BBS9: variants seen among roughly 807,000 people sequenced by gnomAD.
BBS9 encodes the protein Bardet-Biedl syndrome 9, also known as protein PTHB1.
BBS9 carries 89 observed loss-of-function variants against 117.7 expected under a neutral mutation model. The ratio of observed to expected loss-of-function variants is 0.76; its 90% confidence interval spans 0.64 to 0.90. The LOEUF (loss-of-function observed/expected upper bound fraction) is 0.90, where lower values mean the gene tolerates loss of function less well. Ranked by LOEUF, BBS9 falls within the 40% of genes least tolerant of loss-of-function variation. BBS9 has a pLI of 0.00. For missense variants in BBS9, 982 were observed against 1,042.2 expected, an observed-to-expected ratio of 0.94 and a Z score of 0.80; for synonymous variants, 379 against 370.9, an observed-to-expected ratio of 1.02 and a Z score of -0.25.
intron 13 of BBS9, among the ~76,000 whole-genome samples, chr7:33,350,960 T>C (rs1010337613): frequency 2.0e-5 from 3 of 152,140 alleles, no homozygotes; most frequent in Non-Finnish European, 4.4e-5. Context: ...TCCCAAAGTG[T>C]TGGGATTACA....
At chr7:33,555,373 A>C (rs892245266) in intron 21 of BBS9, among the ~76,000 whole-genome samples, 2 of 152,166 alleles carry the variant, frequency 1.3e-5, no homozygotes, top group Admixed American at 1.3e-4. Flanking sequence ...TGTCACAGGC[A>C]ATGGAAAAAT....
intron 11 of BBS9, among the ~76,000 whole-genome samples, chr7:33,343,512 T>C (rs1027247113): frequency 6.6e-6 from 1 of 151,912 alleles, no homozygotes; most frequent in African/African-American, 2.4e-5. Context: ...CGCCCCTTTA[T>C]TTTTGAGACA....
chr7:33,358,807 G>A (rs1175642104), intron 16 of BBS9, among the ~76,000 whole-genome samples: 1 of 151,870 alleles, frequency 6.6e-6, no homozygotes, highest in Non-Finnish European at 1.5e-5. Flanking sequence ...TGCATTAGTG[G>A]ATAAGATTTA....
intron 15 of BBS9, among the ~76,000 whole-genome samples, chr7:33,355,931 A>G (rs2128680792): frequency 1.3e-5 from 2 of 152,018 alleles, no homozygotes; most frequent in Admixed American, 1.3e-4. Context: ...GTCCAAGTAA[A>G]GTAGTGGCTA....
At chr7:33,334,682 G>A (rs1028510135) in intron 9 of BBS9, among the ~76,000 whole-genome samples, 1 of 152,128 alleles carries the variant, frequency 6.6e-6, no homozygotes, top group African/African-American at 2.4e-5. Flanking sequence ...TGTTTTCTGA[G>A]GGGTAGATGG....
intron 11 of BBS9, among the ~76,000 whole-genome samples, chr7:33,343,671 G>A (rs994186523): frequency 1.3e-5 from 2 of 151,960 alleles, no homozygotes; most frequent in African/African-American, 4.8e-5. Flanking sequence ...GCTAATTTTT[G>A]TATTTTTAGT....
At chr7:33,630,208 G>C (rs1865821083) in intron 21 of BBS9, among the ~76,000 whole-genome samples, 1 of 152,112 alleles carries the variant, frequency 6.6e-6, no homozygotes, top group Non-Finnish European at 1.5e-5. Context: ...AGATCCACAT[G>C]AAAACCACTT....
At chr7:33,503,166 C>A (rs1845677646) in intron 19 of BBS9, among the ~76,000 whole-genome samples, 1 of 152,148 alleles carries the variant, frequency 6.6e-6, no homozygotes, top group African/African-American at 2.4e-5. Context: ...ATCAATTTTA[C>A]TTACAAAACG....
rs1462341904 is a variant in BBS9 at position 33,336,362 on chromosome 7, A to G, written c.1017-79A>G. 6.5e-6 allele frequency: 7 copies of G among 1,069,620 alleles called. No individual in the cohort carries two copies. In the East Asian group the frequency reaches 1.7e-4, roughly 26 times the overall value. The allele number at this position is 1,069,620 out of a possible 1,614,324, so 66.3% of individuals were successfully genotyped here. A position where few individuals can be genotyped will look rare whatever the true frequency, so the allele number is the denominator to read the frequency against. ...TTTCTTAATGGTGTGTTGATGCTGA[A>G]TTGAGTAAAAATGTAGTTGGTCAAG... is the stretch of plus-strand genomic sequence containing the variant. On this transcript the variant is annotated intron_variant, in intron 9 of 22. Coordinates refer to ENST00000242067, the MANE Select transcript of BBS9 (RefSeq NM_198428.3).
intron 9 of BBS9, among the ~76,000 whole-genome samples, chr7:33,297,274 A>C (rs1805465686): frequency 1.3e-5 from 2 of 152,158 alleles, no homozygotes; most frequent in Admixed American, 1.3e-4. Context: ...TTTGTTTTAG[A>C]GGTGAAAATC....
intron 9 of BBS9, among the ~76,000 whole-genome samples, chr7:33,316,364 T>A (rs1810513562): frequency 6.6e-6 from 1 of 152,214 alleles, no homozygotes; most frequent in African/African-American, 2.4e-5. Context: ...ATCTCTTCTG[T>A]GTAAATCTTT....
chr7:33,294,615 T>C (rs1804883774), intron 9 of BBS9, among the ~76,000 whole-genome samples: 2 of 152,214 alleles, frequency 1.3e-5, no homozygotes, highest in South Asian at 4.1e-4. Flanking sequence ...ATCTTTAATG[T>C]GATATCTTAG....
chr7:33,287,155 T>C (rs1297559533), intron 9 of BBS9, among the ~76,000 whole-genome samples: 1 of 152,158 alleles, frequency 6.6e-6, no homozygotes, highest in Admixed American at 6.6e-5. Flanking sequence ...TGGTATAGGA[T>C]GTTGGGTGAC....
At chr7:33,429,614 C>T (rs1193293208) in intron 19 of BBS9, among the ~76,000 whole-genome samples, 1 of 151,858 alleles carries the variant, frequency 6.6e-6, no homozygotes, top group Non-Finnish European at 1.5e-5. Context: ...TCAGTTTCTG[C>T]ATTATAAAAT....
intron 17 of BBS9, among the ~76,000 whole-genome samples, chr7:33,368,514 A>C (rs1321578808): frequency 6.6e-6 from 1 of 151,866 alleles, no homozygotes; most frequent in African/African-American, 2.4e-5. Context: ...ACACACCTTC[A>C]TGGGAATAAA....
At chr7:33,182,646 T>A (rs576937656) in intron 5 of BBS9, among the ~76,000 whole-genome samples, 36 of 152,352 alleles carry the variant, frequency 2.4e-4, no homozygotes, top group South Asian at 6.2e-4. Flanking sequence ...TTAATTTTTT[T>A]ATAATATTTA....
chr7:33,301,489 A>G (rs1043908911), intron 9 of BBS9, among the ~76,000 whole-genome samples: 2 of 152,048 alleles, frequency 1.3e-5, no homozygotes, highest in Admixed American at 6.6e-5. Context: ...TTTAATTTTT[A>G]GCTCCCACAA....
chr7:33,580,737 G>A (rs1222314108), intron 21 of BBS9, among the ~76,000 whole-genome samples: 1 of 152,144 alleles, frequency 6.6e-6, no homozygotes, highest in Non-Finnish European at 1.5e-5. Context: ...ATAGCTGAAA[G>A]GAATACAATA....
chr7:33,461,323 T>G (rs1028313890), intron 19 of BBS9, among the ~76,000 whole-genome samples: 11 of 152,046 alleles, frequency 7.2e-5, no homozygotes, highest in Middle Eastern at 3.2e-3. Flanking sequence ...TCCACAGCAG[T>G]GGAATGATTT....
Sources: gnomAD v4.1 joint callset for allele counts (sites outside exome capture counted in the v4.1 genomes callset) on GRCh38, gnomAD v4.1.1 for gene constraint, MANE v1.5 for transcripts, NCBI Gene and HGNC (gene_info 2026-07-23, HGNC 2026-07-21) for gene names.